Variants in HMCN1 observed in about 807,000 individuals in gnomAD.
HMCN1 encodes hemicentin 1.
HMCN1 carries 321 observed loss-of-function variants against 625.9 expected under a neutral mutation model. The observed-to-expected ratio is 0.51, with a 90% CI of 0.47 to 0.56. HMCN1 has a LOEUF of 0.56. HMCN1 is among the 20% of genes least tolerant of loss of function. The pLI, the probability that HMCN1 is intolerant of heterozygous loss-of-function variation, is 0.00. For missense variants in HMCN1, 6,588 were observed against 6,887.3 expected (o/e 0.96, Z 1.54); for synonymous variants, 2,425 against 2,417.6 (o/e 1.00, Z -0.09).
chr1:186,183,627 C>T (rs1653087670), intron 105 of HMCN1, among the ~76,000 whole-genome samples: 1 of 152,154 alleles, frequency 6.6e-6, no homozygotes, highest in African/African-American at 2.4e-5. Flanking sequence ...CAATAATTTG[C>T]ACCCATTCTA....
chr1:185,911,284 G>A (rs956957204), intron 5 of HMCN1, among the ~76,000 whole-genome samples: 2 of 152,076 alleles, frequency 1.3e-5, no homozygotes, highest in Non-Finnish European at 2.9e-5. Flanking sequence ...TATCTAGGCT[G>A]GCTTCGGAAA....
intron 85 of HMCN1, among the ~76,000 whole-genome samples, chr1:186,131,620 C>G (rs1661935420): frequency 6.6e-6 from 1 of 152,230 alleles, no homozygotes; most frequent in South Asian, 2.1e-4. Flanking sequence ...TTTTCCTTCT[C>G]CCAATCTACT....
At chr1:186,152,917 ATGAG>A in intron 96 of HMCN1, 46 bp downstream of exon 96, 1 of 1,610,280 alleles carries the variant, frequency 6.2e-7, no homozygotes, top group South Asian at 1.1e-5. Context: ...TAGAGTAATG[ATGAG>A]TGAAAGGTCC....
chr1:186,104,818 A>G (rs1193567456), intron 69 of HMCN1, among the ~76,000 whole-genome samples: 1 of 152,190 alleles, frequency 6.6e-6, no homozygotes, highest in Non-Finnish European at 1.5e-5. Flanking sequence ...CAAACATTAC[A>G]GTAACTTAGA....
chr1:186,079,993 G>T (rs1331948931), intron 55 of HMCN1, among the ~76,000 whole-genome samples: 2 of 152,106 alleles, frequency 1.3e-5, no homozygotes, highest in Non-Finnish European at 2.9e-5. Flanking sequence ...GCCTCTGCAT[G>T]TCAGTGCCTG....
At chr1:185,859,128 T>TTGTGTGTG (rs59835697) in intron 2 of HMCN1, among the ~76,000 whole-genome samples, 23 of 138,390 alleles carry the variant, frequency 1.7e-4, no homozygotes, top group African/African-American at 6.0e-4. Flanking sequence ...TTTATAAACT[T>TTGTGTGTG]TGTGTGTGTG....
In HMCN1 at chr1:185,958,082, G is replaced by T. The variant is rs193231841; in HGVS notation, c.1829-4436G>T. Among the ~76,000 whole-genome samples, 7 of 152,056 alleles carry T rather than the reference G, an allele frequency of 4.6e-5. No individual in the cohort carries two copies. The East Asian group carries it at 5.8e-4, about 13-fold the overall frequency. On this transcript the variant is annotated intron_variant, in intron 11 of 106. Transcript: ENST00000271588. ...TATAACAAATATTGTTTATAAATAG[G>T]GTATATAATCTTTTTTTTGAGAAAG...
At chr1:185,842,528 C>T (rs1017289113) in intron 1 of HMCN1, among the ~76,000 whole-genome samples, 1 of 151,780 alleles carries the variant, frequency 6.6e-6, no homozygotes, top group African/African-American at 2.4e-5. Context: ...CATGCCATTG[C>T]ACTGCAGCCT....
intron 1 of HMCN1, among the ~76,000 whole-genome samples, chr1:185,796,489 ATTAT>A (rs915765496): frequency 2.6e-5 from 4 of 152,134 alleles, no homozygotes; most frequent in Admixed American, 6.5e-5. Context: ...ATGCGTACAC[ATTAT>A]TTAGCTTCCG....
intron 1 of HMCN1, among the ~76,000 whole-genome samples, chr1:185,812,417 A>C (rs1244963828): frequency 6.6e-6 from 1 of 152,176 alleles, no homozygotes; most frequent in Admixed American, 6.6e-5. Context: ...TTTAACAAAA[A>C]AAGTGTCATA....
chr1:185,989,735 C>A, intron 21 of HMCN1, 88 bp downstream of exon 21: 2 of 1,195,376 alleles, frequency 1.7e-6, no homozygotes, highest in Non-Finnish European at 2.5e-6. Context: ...TTACCAGATG[C>A]ATGTACCCCT....
At chr1:186,143,875 T>C (rs1160066247) in intron 89 of HMCN1, among the ~76,000 whole-genome samples, 1 of 152,238 alleles carries the variant, frequency 6.6e-6, no homozygotes, top group Non-Finnish European at 1.5e-5. Context: ...ACACTCAGAC[T>C]GTATTTATAT....
chr1:185,804,447 C>A (rs1025783637), intron 1 of HMCN1, among the ~76,000 whole-genome samples: 3 of 152,026 alleles, frequency 2.0e-5, no homozygotes, highest in Non-Finnish European at 2.9e-5. Flanking sequence ...GAGTGCTTCA[C>A]TGACTAAAGG....
At chr1:185,791,759 A>T (rs1658017364) in intron 1 of HMCN1, among the ~76,000 whole-genome samples, 1 of 152,130 alleles carries the variant, frequency 6.6e-6, no homozygotes, top group African/African-American at 2.4e-5. Flanking sequence ...AGTACTCAGA[A>T]ATATTAAATC....
intron 85 of HMCN1, among the ~76,000 whole-genome samples, chr1:186,130,913 A>T (rs1427883046): frequency 6.6e-6 from 1 of 152,194 alleles, no homozygotes; most frequent in Non-Finnish European, 1.5e-5. Flanking sequence ...CTTGTTCCTT[A>T]TCATTGACTT....
At position 185,865,716 on chromosome 1, in the gene HMCN1, TTTC is replaced by T. The variant is rs397862615; in HGVS notation, c.499-22_499-20del. On this transcript the variant is annotated intron_variant, in intron 3 of 106. Coordinates refer to ENST00000271588, the MANE Select transcript of HMCN1 (RefSeq NM_031935.3). ...TTATTTCTGGAAACCCTTTACACTG[TTTC>T]TTTTTTTTTTTTTAATCATAGGTCG... The T allele has an allele frequency of 9.8e-3, 8,878 of 908,172 alleles. 511 individuals carry two copies. Among genetic ancestry groups the T allele is most frequent in the Non-Finnish European group, 0.012 (7,348 of 626,356 alleles). 56.3% of individuals were successfully genotyped at this position (908,172 alleles called of 1,614,324 possible).
At chr1:185,803,204 G>GCAAAAAAAAAAAAAAAAAA (rs1658922104) in intron 1 of HMCN1, among the ~76,000 whole-genome samples, 41 of 23,622 alleles carry the variant, frequency 1.7e-3, no homozygotes, top group East Asian at 3.7e-3. Context: ...AAAAAAAAAA[G>GCAAAAAAAAAAAAAAAAAA]CAAAAAAAAA....
chr1:185,799,331 G>A (rs543677742), intron 1 of HMCN1, among the ~76,000 whole-genome samples: 1 of 152,182 alleles, frequency 6.6e-6, no homozygotes, highest in South Asian at 2.1e-4. Flanking sequence ...TCAACCTCCA[G>A]GCCAGTAGAG....
chr1:185,734,607 ATTCGAGTTTGG>A lies in HMCN1; in HGVS notation c.-171_-161del. 1 of 660,966 alleles carries A rather than the reference ATTCGAGTTTGG, an allele frequency of 1.5e-6. No individual in the cohort carries two copies. Among genetic ancestry groups the A allele is most frequent in the Middle Eastern group, 4.1e-4 (1 of 2,422 alleles). 40.9% of individuals were successfully genotyped at this position (660,966 alleles called of 1,614,324 possible). On this transcript the variant is annotated 5_prime_UTR_variant, in exon 1 of 107. In the 5' UTR this introduces an upstream ATG that the reference lacks. Transcript: ENST00000271588. ...CCTGCCCTGCCCAACCCCTGGAGGG[ATTCGAGTTTGG>A]TGCTTGTCCCCGTCTGATTCTCAGC...
Sources: allele counts gnomAD v4.1 joint callset (sites outside exome capture counted in the v4.1 genomes callset), GRCh38; gene constraint gnomAD v4.1.1; transcripts MANE v1.5; gene names NCBI Gene and HGNC (gene_info 2026-07-23, HGNC 2026-07-21).